CACNA2D3: variants seen among roughly 807,000 people sequenced by gnomAD.
The protein encoded by CACNA2D3 is calcium voltage-gated channel auxiliary subunit alpha2delta 3, also known as voltage-dependent calcium channel subunit alpha-2/delta-3.
A neutral mutation model predicts 160.6 loss-of-function variants in CACNA2D3; 60 were observed. The observed-to-expected ratio is 0.37, with a 90% CI of 0.30 to 0.46. CACNA2D3 has a LOEUF of 0.46. Among genes scored for constraint, CACNA2D3 ranks in the 20% least tolerant of loss-of-function variants. CACNA2D3 has a pLI of 1.00. For missense variants in CACNA2D3, 1,205 were observed against 1,365.0 expected, an observed-to-expected ratio of 0.88 and a Z score of 1.85; for synonymous variants, 558 against 492.9, an observed-to-expected ratio of 1.13 and a Z score of -1.75.
chr3:54,957,360 G>A (rs1398926479), intron 27 of CACNA2D3, among the ~76,000 whole-genome samples: 1 of 151,928 alleles, frequency 6.6e-6, no homozygotes, highest in Non-Finnish European at 1.5e-5. Flanking sequence ...TGTTGCTCAG[G>A]CTGGTCTTGA....
chr3:54,246,705 CAGG>C (rs1702087568), intron 2 of CACNA2D3, among the ~76,000 whole-genome samples: 2 of 149,300 alleles, frequency 1.3e-5, no homozygotes, highest in Non-Finnish European at 2.9e-5. Context: ...GCCTGGGCAA[CAGG>C]AGAGAAACTC....
At chr3:54,227,452 G>T (rs911879210) in intron 2 of CACNA2D3, among the ~76,000 whole-genome samples, 5 of 151,450 alleles carry the variant, frequency 3.3e-5, no homozygotes, top group African/African-American at 1.2e-4. Flanking sequence ...TCTTTTAGAA[G>T]AGTAAAATTT....
chr3:54,142,528 T>C (rs1699956713), intron 2 of CACNA2D3, among the ~76,000 whole-genome samples: 2 of 152,140 alleles, frequency 1.3e-5, no homozygotes, highest in African/African-American at 4.8e-5. Context: ...GCTCCACAAG[T>C]GTTTCGAGGC....
At chr3:54,980,654 C>A (rs1302200599) in intron 29 of CACNA2D3, among the ~76,000 whole-genome samples, 1 of 152,182 alleles carries the variant, frequency 6.6e-6, no homozygotes, top group South Asian at 2.1e-4. Flanking sequence ...GCCTAGGACA[C>A]CATAAGGTCT....
chr3:54,786,529 C>T (rs1012372895), intron 13 of CACNA2D3, among the ~76,000 whole-genome samples: 1 of 152,192 alleles, frequency 6.6e-6, no homozygotes, highest in Non-Finnish European at 1.5e-5. Flanking sequence ...TGTCTCTTCA[C>T]TTTGTAAGCA....
intron 2 of CACNA2D3, among the ~76,000 whole-genome samples, chr3:54,284,559 G>A (rs1054134322): frequency 3.9e-5 from 6 of 151,968 alleles, no homozygotes; most frequent in South Asian, 2.1e-4. Flanking sequence ...AGGAAAAATC[G>A]TATTAAAATG....
chr3:55,019,730 CTTAA>C (rs1269958646), intron 35 of CACNA2D3, among the ~76,000 whole-genome samples: 1 of 152,076 alleles, frequency 6.6e-6, no homozygotes, highest in Non-Finnish European at 1.5e-5. Context: ...AGTCTCCGTA[CTTAA>C]TTATTATTTT....
chr3:54,233,121 G>A (rs147926539), intron 2 of CACNA2D3, among the ~76,000 whole-genome samples: 96 of 152,288 alleles, frequency 6.3e-4, no homozygotes, highest in African/African-American at 2.2e-3. Flanking sequence ...AGTAGAGACT[G>A]GGTGTCCTTT....
At chr3:54,547,917 CTCCTGGCCTCAAAT>C (rs1260897120) in intron 5 of CACNA2D3, among the ~76,000 whole-genome samples, 2 of 152,134 alleles carry the variant, frequency 1.3e-5, no homozygotes, top group Non-Finnish European at 1.5e-5. Flanking sequence ...TGGTCTCAAA[CTCCTGGCCTCAAAT>C]GATCCTCCTG....
At chr3:54,709,402 C>T (rs527577053) in intron 11 of CACNA2D3, among the ~76,000 whole-genome samples, 10 of 151,716 alleles carry the variant, frequency 6.6e-5, no homozygotes, top group South Asian at 4.2e-4. Context: ...CCCTCTGTTG[C>T]CCAGGCTGGA....
At chr3:54,570,175 T>C in intron 8 of CACNA2D3, 71 bp downstream of exon 8, 3 of 1,460,806 alleles carry the variant, frequency 2.1e-6, no homozygotes, top group Non-Finnish European at 2.8e-6. Flanking sequence ...TGGTTAACAT[T>C]GCTCTCGCTG....
chr3:54,200,822 C>T (rs911667257), intron 2 of CACNA2D3, among the ~76,000 whole-genome samples: 7 of 152,158 alleles, frequency 4.6e-5, no homozygotes, highest in African/African-American at 1.2e-4. Context: ...TCCTGTTTCC[C>T]TATTTTCTAA....
intron 11 of CACNA2D3, among the ~76,000 whole-genome samples, chr3:54,750,075 G>T (rs776552546): frequency 6.6e-6 from 1 of 152,198 alleles, no homozygotes; most frequent in Non-Finnish European, 1.5e-5. Context: ...CAATTCTACT[G>T]GTTTTCCAAA....
chr3:54,965,213 G>A (rs1702121759), intron 27 of CACNA2D3, among the ~76,000 whole-genome samples: 2 of 149,362 alleles, frequency 1.3e-5, no homozygotes, highest in Non-Finnish European at 3.0e-5. Context: ...AAAGAGGCTG[G>A]ATTTCACCAT....
intron 8 of CACNA2D3, among the ~76,000 whole-genome samples, chr3:54,580,595 C>T (rs542624774): frequency 5.3e-5 from 8 of 152,272 alleles, no homozygotes; most frequent in Middle Eastern, 3.4e-3. Context: ...TATACCATAA[C>T]GCTGTCATCA....
intron 4 of CACNA2D3, among the ~76,000 whole-genome samples, chr3:54,485,482 G>A (rs939736839): frequency 1.3e-5 from 2 of 152,060 alleles, no homozygotes; most frequent in African/African-American, 4.8e-5. Flanking sequence ...CTAGCAATCA[G>A]TGTCATTTAC....
chr3:54,277,015 C>G (rs1559905157), intron 2 of CACNA2D3, among the ~76,000 whole-genome samples: 2 of 152,204 alleles, frequency 1.3e-5, no homozygotes, highest in Non-Finnish European at 2.9e-5. Context: ...AGGGCCTGTC[C>G]TTTTTCAGAT....
At chr3:54,319,197 CA>C (rs1559448333) in intron 2 of CACNA2D3, among the ~76,000 whole-genome samples, 78 of 147,368 alleles carry the variant, frequency 5.3e-4, no homozygotes, top group Admixed American at 1.5e-3. Flanking sequence ...CACACACACA[CA>C]CACCCTTCCT....
chr3:55,023,269 A>G (rs1267543326), intron 35 of CACNA2D3, among the ~76,000 whole-genome samples: 1 of 152,162 alleles, frequency 6.6e-6, no homozygotes, highest in Non-Finnish European at 1.5e-5. Flanking sequence ...CTGAGGTTTC[A>G]CTGAAGTGAT....
Sources: allele counts gnomAD v4.1 joint callset (sites outside exome capture counted in the v4.1 genomes callset), GRCh38; gene constraint gnomAD v4.1.1; transcripts MANE v1.5; gene names NCBI Gene and HGNC (gene_info 2026-07-23, HGNC 2026-07-21).